The following STOM variants were observed in gnomAD, a reference collection of about 807,000 sequenced individuals.
STOM encodes erythrocyte band 7 integral membrane protein.
A neutral mutation model predicts 30.6 loss-of-function variants in STOM; 25 were observed. That is an observed-to-expected ratio of 0.82 (90% CI 0.60 to 1.14). The LOEUF (loss-of-function observed/expected upper bound fraction) is 1.14, where lower values mean the gene tolerates loss of function less well. STOM is among the 50% of genes most tolerant of loss of function. STOM has a pLI of 0.00. For synonymous variants in STOM, 118 were observed against 130.8 expected (o/e 0.90, Z 0.67); for missense variants, 292 against 365.2 (o/e 0.80, Z 1.63).
rs2064244317 is a variant in STOM at position 121,341,262 on chromosome 9, G to C, written c.807C>G (p.Phe269Leu). 6.2e-7 allele frequency: 1 copy of C among 1,614,178 alleles called. No individual in the cohort carries two copies. The highest frequency in any genetic ancestry group is 8.5e-7 in the Non-Finnish European group (1 of 1,180,040). The part of the protein sequence containing the change: ...IAAEKNSTIV[F>L]PLPIDMLQGI... ...CTTGCAGCATATCTATGGGCAGAGG[G>C]AAGACAATTGTTGAGTTTTTCTCAG... Residue 269 changes from phenylalanine to leucine, a missense_variant, in exon 7 of 7, where the codon TTC (phenylalanine) becomes TTG (leucine). Phe to Leu is a conservative substitution (Grantham distance 22). Coordinates refer to ENST00000286713, the MANE Select transcript of STOM (RefSeq NM_004099.6).
intron 1 of STOM, among the ~76,000 whole-genome samples, chr9:121,361,780 A>C (rs1161967185): frequency 6.6e-6 from 1 of 152,220 alleles, no homozygotes; most frequent in Non-Finnish European, 1.5e-5. Flanking sequence ...AGTTTAGAGC[A>C]ATGGTCCCCA....
chr9:121,363,797 AATAATGCATTTGATCTTTC>A (rs1273665346), intron 1 of STOM, among the ~76,000 whole-genome samples: 1 of 152,194 alleles, frequency 6.6e-6, no homozygotes, highest in Non-Finnish European at 1.5e-5. Context: ...GCATAAATTA[AATAATGCATTTGATCTTTC>A]TTCCAGCTAT....
At chr9:121,357,132 C>T (rs1473200060) in intron 1 of STOM, among the ~76,000 whole-genome samples, 1 of 152,116 alleles carries the variant, frequency 6.6e-6, no homozygotes, top group Non-Finnish European at 1.5e-5. Context: ...TAAAATATTT[C>T]ACTAGGTTTA....
chr9:121,349,362 CT>C (rs765033383), intron 4 of STOM, 39 bp from the exon 5 acceptor site: 77 of 1,578,786 alleles, frequency 4.9e-5, no homozygotes, highest in Non-Finnish European at 5.7e-5. Flanking sequence ...CTGTCAACGA[CT>C]TTTTTTTAAC....
Position 121,339,676 on chromosome 9 carries a change from AAGC to A in STOM, c.*1523_*1525del, listed in dbSNP as rs1408097990. ...GTCACCCGCCAGCTTTCTGGCCAGTAAGCAGAATGCCAGGTTGCTCAGATTCAC... is the reference window on the plus strand; with the variant it reads ...GTCACCCGCCAGCTTTCTGGCCAGTAAGAATGCCAGGTTGCTCAGATTCAC... On this transcript the variant is annotated 3_prime_UTR_variant, in exon 7 of 7. Transcript: ENST00000286713. 8.1e-7 allele frequency: 1 copy of A among 1,231,518 alleles called. No individual in the cohort carries two copies. The highest frequency in any genetic ancestry group is 1.6e-5 in the African/African-American group (1 of 64,420). The allele number at this position is 1,231,518 out of a possible 1,614,324, so 76.3% of individuals were successfully genotyped here. A position where few individuals can be genotyped will look rare whatever the true frequency, so the allele number is the denominator to read the frequency against.
chr9:121,361,016 C>A (rs937409543), intron 1 of STOM, among the ~76,000 whole-genome samples: 4 of 152,090 alleles, frequency 2.6e-5, no homozygotes, highest in African/African-American at 4.8e-5. Context: ...AAAATTCTTC[C>A]CCACCTGGTT....
rs147317196 is a variant in STOM at position 121,368,666 on chromosome 9, C to T, written c.61+1461G>A. Among the ~76,000 whole-genome samples, 11 of 152,152 alleles carry T rather than the reference C, an allele frequency of 7.2e-5. No individual in the cohort carries two copies. The South Asian group carries it at 8.3e-4, about 12-fold the overall frequency. ...ATAAAATACGTGGCACTGGGGGGGT[C>T]GCGGTGGCTCATGCCTGTAATCCCA... On this transcript the variant is annotated intron_variant, in intron 1 of 6. Coordinates refer to ENST00000286713, the MANE Select transcript of STOM (RefSeq NM_004099.6).
intron 1 of STOM, among the ~76,000 whole-genome samples, chr9:121,368,786 C>A (rs1331753706): frequency 6.6e-6 from 1 of 151,942 alleles, no homozygotes; most frequent in Non-Finnish European, 1.5e-5. Context: ...ACAAAAAATA[C>A]AAAATCAGCT....
intron 2 of STOM, among the ~76,000 whole-genome samples, chr9:121,355,648 C>T (rs2064381768): frequency 6.6e-6 from 1 of 152,152 alleles, no homozygotes. Flanking sequence ...TTCATTTAAT[C>T]CTCGCAACAC....
chr9:121,353,658 C>A (rs1302441615), intron 3 of STOM, among the ~76,000 whole-genome samples: 1 of 152,080 alleles, frequency 6.6e-6, no homozygotes, highest in Non-Finnish European at 1.5e-5. Context: ...AAAATACAAA[C>A]CCTCCCCCAC....
In STOM at chr9:121,340,074, T is replaced by C. The variant is rs762649751; in HGVS notation, c.*1128A>G. 6.8e-5 allele frequency: 66 copies of C among 973,290 alleles called. No individual in the cohort carries two copies. Among genetic ancestry groups the C allele is most frequent in the Non-Finnish European group, 7.8e-5 (64 of 818,940 alleles). 60.3% of individuals were successfully genotyped at this position (973,290 alleles called of 1,614,324 possible). A position where few individuals can be genotyped will look rare whatever the true frequency, so the allele number is the denominator to read the frequency against. Reference sequence around the variant, plus strand: ...CAAATAGATATATAACAATTGCATATAGAACGTAGAGAAAATTTTATTAAA... The same window carrying C: ...CAAATAGATATATAACAATTGCATACAGAACGTAGAGAAAATTTTATTAAA... On this transcript the variant is annotated 3_prime_UTR_variant, in exon 7 of 7. Transcript: ENST00000286713.
intron 6 of STOM, among the ~76,000 whole-genome samples, chr9:121,346,415 G>C (rs2064290247): frequency 6.6e-6 from 1 of 152,312 alleles, no homozygotes; most frequent in Admixed American, 6.5e-5. Context: ...ACTAGCATGG[G>C]AATAGCAGGA....
chr9:121,345,864 T>C (rs1429334481), intron 6 of STOM, among the ~76,000 whole-genome samples: 2 of 152,236 alleles, frequency 1.3e-5, no homozygotes, highest in Non-Finnish European at 2.9e-5. Context: ...TAATTTCCAC[T>C]GCTACTAATC....
intron 3 of STOM, among the ~76,000 whole-genome samples, chr9:121,353,705 C>T (rs2134032460): frequency 6.6e-6 from 1 of 152,332 alleles, no homozygotes; most frequent in East Asian, 1.9e-4. Context: ...TTCCCCTCTT[C>T]AGCCACTTCC....
Position 121,347,946 on chromosome 9 carries a change from T to C in STOM, c.660+69A>G, listed in dbSNP as rs981737590. The stretch of plus-strand genomic sequence containing the variant: ...TCAAGTTTTTACAGCAAGCATGTTT[T>C]ACGTTTTTTTATAATTATTAATAAA... On this transcript the variant is annotated intron_variant, in intron 6 of 6. Coordinates refer to ENST00000286713, the MANE Select transcript of STOM (RefSeq NM_004099.6). The C allele has an allele frequency of 7.3e-6, 11 of 1,510,444 alleles. No individual in the cohort carries two copies. The African/African-American group carries it at 1.4e-4, about 20-fold the overall frequency. 93.6% of individuals were successfully genotyped at this position (1,510,444 alleles called of 1,614,324 possible).
intron 3 of STOM, among the ~76,000 whole-genome samples, chr9:121,354,306 G>T (rs956901471): frequency 6.6e-6 from 1 of 152,126 alleles, no homozygotes; most frequent in Non-Finnish European, 1.5e-5. Context: ...CCTGCTACAT[G>T]AACTCTTATC....
chr9:121,348,200 C>T (rs2064306797), intron 5 of STOM, 51 bp from the exon 6 acceptor site: 3 of 1,612,014 alleles, frequency 1.9e-6, no homozygotes, highest in African/African-American at 1.3e-5. Flanking sequence ...AGCCCAGATG[C>T]TGACAGAGGC....
chr9:121,357,053 G>A (rs948083638), intron 1 of STOM, among the ~76,000 whole-genome samples: 2 of 152,126 alleles, frequency 1.3e-5, no homozygotes, highest in Admixed American at 6.6e-5. Context: ...AGTACAGTAC[G>A]AATAAAGGTG....
At position 121,348,275 on chromosome 9, in the gene STOM, C is replaced by T. The variant is rs188811633; in HGVS notation, c.526-126G>A. The T allele has an allele frequency of 5.9e-4, 791 of 1,336,732 alleles. 1 individual carries two copies. The highest frequency in any genetic ancestry group is 7.8e-4 in the Non-Finnish European group (759 of 969,554). The allele number at this position is 1,336,732 out of a possible 1,614,324, so 82.8% of individuals were successfully genotyped here. On this transcript the variant is annotated intron_variant, in intron 5 of 6. Transcript: ENST00000286713. ...GAGTTGTGGAGAGACAGTTACCCCA[C>T]GGTGGAACGAATGGTGACGCAGGGG...
Sources: gnomAD v4.1 joint callset for allele counts (sites outside exome capture counted in the v4.1 genomes callset) on GRCh38, gnomAD v4.1.1 for gene constraint, MANE v1.5 for transcripts, NCBI Gene and HGNC (gene_info 2026-07-23, HGNC 2026-07-21) for gene names.